VPS37A: variants seen among roughly 807,000 people sequenced by gnomAD.
VPS37A encodes the protein VPS37A subunit of ESCRT-I.
VPS37A carries 30 observed loss-of-function variants against 49.8 expected under a neutral mutation model. The ratio of observed to expected loss-of-function variants is 0.60; its 90% CI spans 0.45 to 0.82. The LOEUF (loss-of-function observed/expected upper bound fraction) is 0.82, where lower values mean the gene tolerates loss of function less well. Ranked by LOEUF, VPS37A falls within the 40% of genes least tolerant of loss-of-function variation. VPS37A has a pLI of 0.00. For missense variants in VPS37A, 593 were observed against 464.4 expected (o/e 1.28, Z -2.55); for synonymous variants, 195 against 160.6 (o/e 1.21, Z -1.62).
downstream of VPS37A, chr8:17,301,895 C>A: frequency 4.6e-6 from 2 of 438,228 alleles, no homozygotes; most frequent in East Asian, 3.4e-5. Flanking sequence ...TAACAGTAAC[C>A]AAACAAGTTG....
intron 1 of VPS37A, among the ~76,000 whole-genome samples, chr8:17,255,666 A>G (rs894149161): frequency 5.9e-5 from 9 of 152,310 alleles, no homozygotes; most frequent in African/African-American, 1.9e-4. Flanking sequence ...TCTTTTATCA[A>G]CTGTATATTT....
intron 1 of VPS37A, among the ~76,000 whole-genome samples, chr8:17,256,118 T>C (rs944900697): frequency 3.3e-5 from 5 of 151,910 alleles, no homozygotes; most frequent in Non-Finnish European, 7.4e-5. Context: ...TGCAGAGATA[T>C]TGTTAGTCTT....
At chr8:17,313,804 C>G in the VPS37A span, among the ~76,000 whole-genome samples, 1 of 152,118 alleles carries the variant, frequency 6.6e-6, no homozygotes, top group East Asian at 1.9e-4. Flanking sequence ...TAGCACCTAC[C>G]CACTTAGAAG....
chr8:17,276,259 C>T, intron 5 of VPS37A, 138 bp from the exon 6 acceptor site: 1 of 642,808 alleles, frequency 1.6e-6, no homozygotes, highest in Non-Finnish European at 2.6e-6. Flanking sequence ...GAGACTAAGG[C>T]AGTGTGAGAT....
At chr8:17,326,580 T>C in the VPS37A span, 21,024 of 152,164 alleles carry the variant, frequency 0.14, 2,024 homozygotes, top group Non-Finnish European at 0.21. Flanking sequence ...AAGGATGTTT[T>C]TAAAAGACAA....
intron 1 of VPS37A, among the ~76,000 whole-genome samples, chr8:17,262,843 A>T (rs113793672): frequency 0.1 from 15,249 of 152,030 alleles, 1,559 homozygotes; most frequent in African/African-American, 0.26. Flanking sequence ...CGGGCAGATC[A>T]CGAGGTCAAG....
the VPS37A span, among the ~76,000 whole-genome samples, chr8:17,330,193 C>T: frequency 4.1e-3 from 626 of 152,324 alleles, 4 homozygotes; most frequent in African/African-American, 0.014. Flanking sequence ...AAACGAAGAA[C>T]GGCTTAAGTA....
At chr8:17,273,022 CCTTTTT>C (rs1814152411) in intron 4 of VPS37A, among the ~76,000 whole-genome samples, 1 of 80,148 alleles carries the variant, frequency 1.2e-5, no homozygotes, top group African/African-American at 6.4e-5. Flanking sequence ...TTTTGCCCTT[CCTTTTT>C]TTTTTTTTTT....
chr8:17,299,422 C>T (rs1309602872), downstream of VPS37A: 2 of 159,960 alleles, frequency 1.3e-5, no homozygotes, highest in Non-Finnish European at 2.8e-5. Flanking sequence ...ATAAGAGGGT[C>T]GGAAAGGAGG....
In VPS37A at chr8:17,265,946, A is replaced by G. The variant is rs550947957; in HGVS notation, c.165A>G (p.Pro55=). The change falls in exon 2 of 12, where the codon CCA becomes CCG. Residue 55 remains proline, a synonymous_variant. Coordinates refer to ENST00000324849, the MANE Select transcript of VPS37A (RefSeq NM_152415.3). ...AGAAAGATGTGGAATACAGATTGCC[A>G]TTCACCATAAACAACCTGACAATTA... ...EIQKDVEYRL[P]FTINNLTINI... is the part of the protein sequence containing the mutation. 6.2e-7 allele frequency: 1 copy of G among 1,613,342 alleles called. No individual in the cohort carries two copies. The highest frequency in any genetic ancestry group is 2.2e-5 in the East Asian group (1 of 44,744).
At chr8:17,260,286 C>T (rs1288334570) in intron 1 of VPS37A, among the ~76,000 whole-genome samples, 1 of 152,032 alleles carries the variant, frequency 6.6e-6, no homozygotes, top group Non-Finnish European at 1.5e-5. Flanking sequence ...TAAGTTATTT[C>T]AAAGAGACAA....
the VPS37A span, among the ~76,000 whole-genome samples, chr8:17,322,398 T>C: frequency 4.6e-5 from 7 of 152,214 alleles, no homozygotes; most frequent in African/African-American, 1.7e-4. Context: ...TTAGTATATA[T>C]GAATGTGAAT....
the VPS37A span, among the ~76,000 whole-genome samples, chr8:17,307,875 C>T: frequency 6.5e-5 from 8 of 123,350 alleles, no homozygotes; most frequent in South Asian, 2.5e-4. Context: ...CATCACACAC[C>T]GGGGACTGTT....
At chr8:17,300,943 A>G (rs1019826861), downstream of VPS37A, among the ~76,000 whole-genome samples, 13 of 152,224 alleles carry the variant, frequency 8.5e-5, no homozygotes, top group Admixed American at 8.5e-4. Context: ...TACAGCATGT[A>G]TCAAGTACTT....
At chr8:17,293,607 T>G (rs1267734395) in intron 11 of VPS37A, among the ~76,000 whole-genome samples, 2 of 152,140 alleles carry the variant, frequency 1.3e-5, no homozygotes, top group South Asian at 4.1e-4. Flanking sequence ...TCTACCTTTG[T>G]TCTTTGTTGT....
At chr8:17,326,534 C>G in the VPS37A span, 1 of 152,146 alleles carries the variant, frequency 6.6e-6, no homozygotes, top group African/African-American at 2.4e-5. Context: ...ATAAAAAGTG[C>G]TAGGTTAAAA....
rs1184151376 is a variant in VPS37A, at chr8:17,280,025, T to A, written c.714-3T>A. The A allele has an allele frequency of 6.2e-7, 1 of 1,609,548 alleles. No homozygotes were observed. The highest frequency in any genetic ancestry group is 1.3e-5 in the African/African-American group (1 of 74,666). On this transcript the variant is annotated splice_polypyrimidine_tract_variant and splice_region_variant and intron_variant, in intron 6 of 11. Coordinates refer to ENST00000324849, the MANE Select transcript of VPS37A (RefSeq NM_152415.3). ...ATTGACATTTTTTCTTTTGTGTTTC[T>A]AGTGTGTCACAACTCACAGATATGA...
chr8:17,256,933 G>A (rs1233842060), intron 1 of VPS37A, among the ~76,000 whole-genome samples: 1 of 152,066 alleles, frequency 6.6e-6, no homozygotes, highest in African/African-American at 2.4e-5. Flanking sequence ...TTAGCTTGAT[G>A]TAATCCCATT....
chr8:17,261,287 A>T (rs537402208), intron 1 of VPS37A, among the ~76,000 whole-genome samples: 1 of 152,192 alleles, frequency 6.6e-6, no homozygotes, highest in African/African-American at 2.4e-5. Context: ...TTCAGCAAAC[A>T]TATTTCTCAG....
Sources: allele counts gnomAD v4.1 joint callset (sites outside exome capture counted in the v4.1 genomes callset), GRCh38; gene constraint gnomAD v4.1.1; transcripts MANE v1.5; gene names NCBI Gene and HGNC (gene_info 2026-07-23, HGNC 2026-07-21).